Variants in ZNF644 observed in about 807,000 individuals in gnomAD.
ZNF644 encodes zinc finger motif enhancer binding protein 2.
Under a neutral mutation model 108.0 loss-of-function variants are expected in ZNF644, and 20 were observed. The observed-to-expected ratio is 0.19, with a 90% CI of 0.13 to 0.27. The LOEUF (loss-of-function observed/expected upper bound fraction) is 0.27, where lower values mean the gene tolerates loss of function less well. ZNF644 is among the 10% of genes least tolerant of loss of function. The probability of loss-of-function intolerance (pLI) is 1.00; values close to 1 mark genes in which losing one functional copy is unlikely to be tolerated. For synonymous variants in ZNF644, 542 were observed against 539.1 expected, an observed-to-expected ratio of 1.01 and a Z score of -0.08; for missense variants, 1,338 against 1,548.9, an observed-to-expected ratio of 0.86 and a Z score of 2.29.
intron 1 of ZNF644, among the ~76,000 whole-genome samples, chr1:90,996,416 T>C (rs1479693019): frequency 6.6e-6 from 1 of 152,182 alleles, no homozygotes; most frequent in Non-Finnish European, 1.5e-5. Context: ...TGAATCTTAT[T>C]TGGGAAGACC....
chr1:91,007,265 T>C (rs1659546531), intron 1 of ZNF644, among the ~76,000 whole-genome samples: 1 of 130,542 alleles, frequency 7.7e-6, no homozygotes, highest in Admixed American at 8.9e-5. Flanking sequence ...AGACAGTGTC[T>C]CGCTCTGTTG....
At chr1:90,972,389 C>T (rs778612858) in intron 2 of ZNF644, among the ~76,000 whole-genome samples, 1 of 152,152 alleles carries the variant, frequency 6.6e-6, no homozygotes, top group Non-Finnish European at 1.5e-5. Context: ...TGCTCAACAT[C>T]ACTAATTATT....
At chr1:91,012,314 G>GA (rs35846572) in intron 1 of ZNF644, among the ~76,000 whole-genome samples, 248 of 131,954 alleles carry the variant, frequency 1.9e-3, no homozygotes, top group East Asian at 4.9e-3. Flanking sequence ...ACTACCGAAA[G>GA]AAAAAAAAAA....
chr1:90,940,506 G>C lies in ZNF644; in HGVS notation c.848C>G (p.Ser283Cys). ...EETVDKAPPH[S>C]KIGLEKKRKR... is the part of the protein sequence containing the mutation. ...TCTTTTTTTTTCTAGACCTATTTTA[G>C]AATGAGGTGGAGCTTTATCTACTGT... Residue 283 changes from serine to cysteine, a missense_variant, in exon 3 of 6, where the codon TCT becomes TGT. Ser to Cys is a moderately radical substitution (Grantham distance 112). Around this residue, in one of 6 missense-constraint regions of ZNF644, gnomAD observed 464 missense variants for 457.9 expected, o/e 1.01. Coordinates refer to ENST00000337393, the MANE Select transcript of ZNF644 (RefSeq NM_201269.3). 6.2e-7 allele frequency: 1 copy of C among 1,613,418 alleles called. No individual in the cohort carries two copies. The highest frequency in any genetic ancestry group is 8.5e-7 in the Non-Finnish European group (1 of 1,179,812).
At chr1:90,943,538 A>G (rs1418177164) in intron 2 of ZNF644, among the ~76,000 whole-genome samples, 1 of 152,218 alleles carries the variant, frequency 6.6e-6, no homozygotes, top group Non-Finnish European at 1.5e-5. Context: ...TTCTTTCCAT[A>G]AAATGTTATT....
chr1:91,002,591 G>T (rs1658963505), intron 1 of ZNF644, among the ~76,000 whole-genome samples: 1 of 152,106 alleles, frequency 6.6e-6, no homozygotes, highest in African/African-American at 2.4e-5. Context: ...AGAAAACCTA[G>T]GCAATACCAT....
rs144035933 is a variant in ZNF644, at chr1:90,945,459, T to C, written c.45-4150A>G. On this transcript the variant is annotated intron_variant, in intron 2 of 5. Transcript: ENST00000337393. ...GAGCACTAAAAAAATTGTACAAAGG[T>C]CAGATCTGTCTTCAAGATGACAGAT... Among the ~76,000 whole-genome samples the C allele has an allele frequency of 3.9e-3, 590 of 152,190 alleles. 3 individuals carry two copies. The highest frequency in any genetic ancestry group is 0.012 in the African/African-American group (505 of 41,560).
chr1:91,013,462 CACACACACACACACACACACAT>C lies in ZNF644; in HGVS notation c.-18+8506_-18+8527del, dbSNP rs1364640704. Among the ~76,000 whole-genome samples, 215 of 149,122 alleles carry C rather than the reference CACACACACACACACACACACAT, an allele frequency of 1.4e-3. 1 individual carries two copies. Among genetic ancestry groups the C allele is most frequent in the African/African-American group, 4.9e-3 (192 of 39,380 alleles). ...TTCCAATCTCTCTCTCACACACACACACACACACACACACACACACATACACACACACACACACATATACACA... is the reference window on the plus strand; with the variant it reads ...TTCCAATCTCTCTCTCACACACACACACACACACACACACACATATACACA... On this transcript the variant is annotated intron_variant, in intron 1 of 5. Transcript: ENST00000337393.
At chr1:90,934,925 T>C (rs929091738) in intron 4 of ZNF644, among the ~76,000 whole-genome samples, 82 of 152,254 alleles carry the variant, frequency 5.4e-4, no homozygotes, top group African/African-American at 2.0e-3. Context: ...ATTTTTATGC[T>C]ATGTTGCCCA....
Position 91,002,084 on chromosome 1 carries a change from G to A in ZNF644, c.-17-19714C>T, listed in dbSNP as rs548664575. Among the ~76,000 whole-genome samples the A allele has an allele frequency of 1.1e-3, 163 of 152,276 alleles. 1 individual carries two copies. Among genetic ancestry groups the A allele is most frequent in the African/African-American group, 3.8e-3 (157 of 41,554 alleles). ...CTCATGGATAGGAAGAATCAGTATC[G>A]GGAAAATGGCCATACTGCCCAAGGT... On this transcript the variant is annotated intron_variant, in intron 1 of 5. Transcript: ENST00000337393.
intron 4 of ZNF644, among the ~76,000 whole-genome samples, chr1:90,929,883 A>C (rs1179620635): frequency 6.6e-6 from 1 of 152,220 alleles, no homozygotes; most frequent in African/African-American, 2.4e-5. Context: ...AAAAACGTTA[A>C]TATATTGCAC....
intron 1 of ZNF644, among the ~76,000 whole-genome samples, chr1:91,005,074 T>C (rs1659281771): frequency 6.6e-6 from 1 of 152,052 alleles, no homozygotes; most frequent in Non-Finnish European, 1.5e-5. Flanking sequence ...AATCCAACTA[T>C]AACTGGCTAC....
At chr1:90,949,230 A>C (rs1301126801) in intron 2 of ZNF644, among the ~76,000 whole-genome samples, 1 of 151,594 alleles carries the variant, frequency 6.6e-6, no homozygotes, top group Admixed American at 6.6e-5. Context: ...GAATATATTT[A>C]TTCCATATAT....
chr1:91,013,492 C>G (rs991360910), intron 1 of ZNF644, among the ~76,000 whole-genome samples: 9 of 151,792 alleles, frequency 5.9e-5, no homozygotes, highest in Non-Finnish European at 1.0e-4. Context: ...CATACACACA[C>G]ACACACACAT....
At chr1:90,950,307 G>GAGAAAAGAAA (rs1557588305) in intron 2 of ZNF644, among the ~76,000 whole-genome samples, 1 of 45,150 alleles carries the variant, frequency 2.2e-5, no homozygotes, top group Non-Finnish European at 4.5e-5. Context: ...GAGGGGAGGG[G>GAGAAAAGAAA]ACAAAAGAAA....
At chr1:91,007,220 A>ATTTTTTTTTT (rs1557658483) in intron 1 of ZNF644, among the ~76,000 whole-genome samples, 5 of 30,314 alleles carry the variant, frequency 1.6e-4, no homozygotes, top group South Asian at 9.0e-4. Flanking sequence ...ATTTTCTCCC[A>ATTTTTTTTTT]TTTTGTTTTT....
At chr1:90,971,300 T>C (rs1655445992) in intron 2 of ZNF644, among the ~76,000 whole-genome samples, 1 of 148,102 alleles carries the variant, frequency 6.8e-6, no homozygotes, top group Non-Finnish European at 1.5e-5. Flanking sequence ...CCATCACAAT[T>C]GATGCAAAAA....
chr1:91,021,648 C>T (rs1660936675), intron 1 of ZNF644: 1 of 143,630 alleles, frequency 7.0e-6, no homozygotes, highest in South Asian at 2.3e-4. Flanking sequence ...CCCCCCCATC[C>T]CCCCGCCGAG....
At chr1:90,923,431 TC>T (rs1649691969) in intron 4 of ZNF644, among the ~76,000 whole-genome samples, 1 of 152,136 alleles carries the variant, frequency 6.6e-6, no homozygotes, top group Non-Finnish European at 1.5e-5. Flanking sequence ...CCTACTCCTA[TC>T]AACATCAGTT....
Sources: allele counts gnomAD v4.1 joint callset (sites outside exome capture counted in the v4.1 genomes callset), GRCh38; gene constraint gnomAD v4.1.1; regional missense constraint gnomAD v4.1.1; transcripts MANE v1.5; gene names NCBI Gene and HGNC (gene_info 2026-07-23, HGNC 2026-07-21).